The following TRPM3 variants were observed in gnomAD, a reference collection of about 807,000 sequenced individuals.
TRPM3 encodes the protein transient receptor potential cation channel subfamily M member 3.
A neutral mutation model predicts 181.2 loss-of-function variants in TRPM3; 77 were observed. The observed-to-expected ratio is 0.42, with a 90% confidence interval of 0.35 to 0.51. The LOEUF is 0.51. TRPM3 is among the 20% of genes least tolerant of loss of function. The pLI is 0.01. For synonymous variants in TRPM3, 745 were observed against 796.4 expected (o/e 0.94, Z 1.09); for missense variants, 1,759 against 2,196.7 (o/e 0.80, Z 3.98).
chr9:70,877,953 A>G (rs943620424), intron 1 of TRPM3, among the ~76,000 whole-genome samples: 1 of 152,038 alleles, frequency 6.6e-6, no homozygotes, highest in Non-Finnish European at 1.5e-5. Context: ...CCAAATAATA[A>G]TATGGCTCTT....
intron 1 of TRPM3, among the ~76,000 whole-genome samples, chr9:71,256,328 T>C (rs987724986): frequency 2.6e-5 from 4 of 152,152 alleles, no homozygotes; most frequent in African/African-American, 9.7e-5. Flanking sequence ...TCGACAGTGG[T>C]GTGTTCATTT....
At chr9:71,379,880 C>A (rs1042727500) in intron 1 of TRPM3, among the ~76,000 whole-genome samples, 1 of 151,908 alleles carries the variant, frequency 6.6e-6, no homozygotes, top group Non-Finnish European at 1.5e-5. Flanking sequence ...ACCATAGGGT[C>A]AGTATGTCAT....
At chr9:70,966,052 A>G (rs749587891) in intron 1 of TRPM3, among the ~76,000 whole-genome samples, 4 of 151,636 alleles carry the variant, frequency 2.6e-5, no homozygotes, top group African/African-American at 4.8e-5. Flanking sequence ...AAAAAAAACC[A>G]CAAAGAAACA....
chr9:71,275,062 CA>C (rs1158259285), intron 1 of TRPM3, among the ~76,000 whole-genome samples: 2 of 111,440 alleles, frequency 1.8e-5, no homozygotes, highest in Non-Finnish European at 3.9e-5. Flanking sequence ...CATAGTAAGG[CA>C]AGGAAAAAAA....
At chr9:70,854,269 C>T (rs1425201888) in intron 3 of TRPM3, among the ~76,000 whole-genome samples, 2 of 152,140 alleles carry the variant, frequency 1.3e-5, no homozygotes, top group East Asian at 1.9e-4. Flanking sequence ...TGATGTGGTG[C>T]TCCCATTTAC....
chr9:70,971,376 C>A (rs111830658), intron 1 of TRPM3, among the ~76,000 whole-genome samples: 2,010 of 152,208 alleles, frequency 0.013, 29 homozygotes, highest in East Asian at 0.077. Context: ...TTTTTAATGC[C>A]TTTCATTTAT....
At chr9:70,872,819 C>T (rs2095810667) in intron 1 of TRPM3, among the ~76,000 whole-genome samples, 1 of 151,952 alleles carries the variant, frequency 6.6e-6, no homozygotes, top group South Asian at 2.1e-4. Flanking sequence ...GTAGGCAAAT[C>T]ATCTGATTTC....
intron 18 of TRPM3, among the ~76,000 whole-genome samples, chr9:70,615,281 T>C (rs1277655681): frequency 6.6e-6 from 1 of 152,212 alleles, no homozygotes; most frequent in East Asian, 1.9e-4. Context: ...TTTAACAGAA[T>C]GTGATATTTT....
intron 1 of TRPM3, among the ~76,000 whole-genome samples, chr9:71,189,658 C>T (rs879874079): frequency 9.2e-5 from 14 of 151,752 alleles, no homozygotes; most frequent in Admixed American, 7.2e-4. Flanking sequence ...ATCCTCCCCA[C>T]ACAACCACTC....
intron 1 of TRPM3, among the ~76,000 whole-genome samples, chr9:70,871,419 GT>G (rs1410251676): frequency 1.3e-5 from 2 of 151,748 alleles, no homozygotes; most frequent in East Asian, 1.9e-4. Context: ...AGTCTTACTT[GT>G]TTTTGTCTTG....
intron 1 of TRPM3, among the ~76,000 whole-genome samples, chr9:70,974,885 A>ATTTTTTTTTTTTT: frequency 1.6e-5 from 1 of 62,248 alleles, no homozygotes; most frequent in East Asian, 6.8e-4. Context: ...TTTTTTTTTG[A>ATTTTTTTTTTTTT]GGTAGAGTCT....
rs551154662 is a variant in TRPM3, at chr9:70,870,147, T to C, written c.178-5636A>G. Reference sequence around the variant, plus strand: ...TCATTTTTCCGTAATCCTCTGTTAATGCGCCTAGTACGTGTCATGTGGACA... The same window carrying C: ...TCATTTTTCCGTAATCCTCTGTTAACGCGCCTAGTACGTGTCATGTGGACA... On this transcript the variant is annotated intron_variant, in intron 1 of 25. Coordinates refer to ENST00000677713, the MANE Select transcript of TRPM3 (RefSeq NM_001366145.2). Among the ~76,000 whole-genome samples the C allele has an allele frequency of 2.6e-5, 4 of 152,102 alleles. No homozygotes were observed. In the East Asian group the frequency reaches 5.8e-4, roughly 22 times the overall value.
intron 1 of TRPM3, among the ~76,000 whole-genome samples, chr9:71,143,596 G>C (rs1420372114): frequency 1.3e-5 from 2 of 152,086 alleles, no homozygotes; most frequent in Non-Finnish European, 2.9e-5. Flanking sequence ...TCATTGACAG[G>C]CATTTGGGTT....
chr9:70,851,742 G>C (rs930507481), intron 3 of TRPM3, among the ~76,000 whole-genome samples: 1 of 152,180 alleles, frequency 6.6e-6, no homozygotes, highest in African/African-American at 2.4e-5. Flanking sequence ...TACAGATGAA[G>C]AAAGGGAGAC....
At chr9:70,673,243 C>T (rs1346613831) in intron 9 of TRPM3, among the ~76,000 whole-genome samples, 1 of 151,460 alleles carries the variant, frequency 6.6e-6, no homozygotes, top group Non-Finnish European at 1.5e-5. Context: ...AAGACACTGG[C>T]TTTGGGGGTT....
intron 1 of TRPM3, among the ~76,000 whole-genome samples, chr9:71,148,974 C>T (rs2075582406): frequency 6.6e-6 from 1 of 151,956 alleles, no homozygotes; most frequent in Non-Finnish European, 1.5e-5. Flanking sequence ...GCTGGGGATT[C>T]AGAAAGAATC....
chr9:71,136,285 C>T lies in TRPM3; in HGVS notation c.184-271774G>A, dbSNP rs962470184. Among the ~76,000 whole-genome samples, 4 of 152,122 alleles carry T rather than the reference C, an allele frequency of 2.6e-5. 1 individual carries two copies. In the East Asian group the frequency reaches 7.7e-4, roughly 29 times the overall value. On this transcript the variant is annotated intron_variant, in intron 1 of 24. Coordinates refer to the TRPM3 transcript ENST00000357533. The stretch of plus-strand genomic sequence containing the variant: ...AGAAGGTTTAATCCTTTAAAGTTGA[C>T]TTTGGAGGAAGGACTGAGTGACACA...
intron 3 of TRPM3, among the ~76,000 whole-genome samples, chr9:70,853,348 G>T (rs1376713716): frequency 6.6e-6 from 1 of 152,212 alleles, no homozygotes; most frequent in African/African-American, 2.4e-5. Flanking sequence ...TGGGGACCTT[G>T]TCAAAAATAT....
chr9:70,575,474 T>C (rs2053685748), intron 22 of TRPM3, among the ~76,000 whole-genome samples: 1 of 152,180 alleles, frequency 6.6e-6, no homozygotes, highest in African/African-American at 2.4e-5. Flanking sequence ...TTCATTAATT[T>C]GGCACATGAC....
Sources: gnomAD v4.1 joint callset for allele counts (sites outside exome capture counted in the v4.1 genomes callset) on GRCh38, gnomAD v4.1.1 for gene constraint, MANE v1.5 for transcripts, NCBI Gene and HGNC (gene_info 2026-07-23, HGNC 2026-07-21) for gene names.